The following RGS6 variants were observed in gnomAD, a reference collection of about 807,000 sequenced individuals.
RGS6 encodes the protein regulator of G-protein signaling 6.
Under a neutral mutation model 78.5 loss-of-function variants are expected in RGS6, and 30 were observed. That is an observed-to-expected ratio of 0.38 (90% CI 0.29 to 0.52). RGS6 has a LOEUF of 0.52. Ranked by LOEUF, RGS6 falls within the 20% of genes least tolerant of loss-of-function variation. The pLI is 0.85. For synonymous variants in RGS6, 206 were observed against 206.0 expected (o/e 1.00, Z 0.00); for missense variants, 495 against 609.7 (o/e 0.81, Z 1.98).
chr14:72,042,689 G>A (rs901323798), intron 2 of RGS6, among the ~76,000 whole-genome samples: 1 of 151,650 alleles, frequency 6.6e-6, no homozygotes, highest in Non-Finnish European at 1.5e-5. Flanking sequence ...TTCAATATCT[G>A]CATATTTTCC....
intron 2 of RGS6, among the ~76,000 whole-genome samples, chr14:72,278,930 TGTG>T (rs1204550154): frequency 1.3e-5 from 2 of 152,136 alleles, no homozygotes; most frequent in African/African-American, 4.8e-5. Flanking sequence ...GCCCTCTTGT[TGTG>T]TGCTCACGTG....
chr14:72,093,873 TTGAC>T (rs1379615129), intron 2 of RGS6, among the ~76,000 whole-genome samples: 4 of 152,188 alleles, frequency 2.6e-5, no homozygotes, highest in Non-Finnish European at 5.9e-5. Flanking sequence ...TAAATATTGA[TTGAC>T]TATGTAAAAA....
chr14:72,222,088 C>G (rs146939227), intron 2 of RGS6, among the ~76,000 whole-genome samples: 3 of 152,356 alleles, frequency 2.0e-5, no homozygotes, highest in Non-Finnish European at 2.9e-5. Flanking sequence ...ATGAACTAAT[C>G]AACTAATACT....
intron 2 of RGS6, among the ~76,000 whole-genome samples, chr14:72,112,218 A>C (rs528799789): frequency 3.9e-5 from 6 of 152,318 alleles, no homozygotes; most frequent in African/African-American, 1.4e-4. Flanking sequence ...CACCCTCTCC[A>C]ACACATGCCA....
the RGS6 span, among the ~76,000 whole-genome samples, chr14:71,879,380 C>G: frequency 1.3e-5 from 2 of 152,298 alleles, no homozygotes; most frequent in South Asian, 4.1e-4. Context: ...GACTTAACCT[C>G]TCTGAACAAC....
At chr14:72,299,527 CTATATT>C (rs1237213092) in intron 2 of RGS6, among the ~76,000 whole-genome samples, 1 of 152,188 alleles carries the variant, frequency 6.6e-6, no homozygotes, top group African/African-American at 2.4e-5. Flanking sequence ...TAACGTAACT[CTATATT>C]TAAGCTTCTG....
chr14:71,964,511 AAAAAC>A (rs1429132075), intron 1 of RGS6, among the ~76,000 whole-genome samples: 6 of 152,318 alleles, frequency 3.9e-5, no homozygotes, highest in Admixed American at 3.3e-4. Flanking sequence ...TGTCTCAAAA[AAAAAC>A]AAAACAAAAC....
intron 13 of RGS6, 79 bp from the exon 14 acceptor site, chr14:72,510,075 C>T: frequency 6.8e-7 from 1 of 1,464,462 alleles, no homozygotes; most frequent in Non-Finnish European, 9.1e-7. Context: ...GCAAAACAGA[C>T]TTGAGTCACT....
chr14:72,329,749 T>C (rs2074585120), intron 2 of RGS6, among the ~76,000 whole-genome samples: 1 of 152,146 alleles, frequency 6.6e-6, no homozygotes, highest in Non-Finnish European at 1.5e-5. Flanking sequence ...TGACAGATCT[T>C]GGAGGCAGTC....
chr14:72,325,934 A>G (rs2073629331), intron 2 of RGS6, among the ~76,000 whole-genome samples: 1 of 152,178 alleles, frequency 6.6e-6, no homozygotes, highest in Non-Finnish European at 1.5e-5. Flanking sequence ...ACCCTCATAC[A>G]TCTTTGGTGG....
the RGS6 span, among the ~76,000 whole-genome samples, chr14:71,921,841 A>T: frequency 1.3e-5 from 2 of 152,284 alleles, no homozygotes; most frequent in Non-Finnish European, 2.9e-5. Flanking sequence ...GCGATTTTTG[A>T]TAGGATGGAA....
chr14:72,260,911 C>T (rs1023555188), intron 2 of RGS6, among the ~76,000 whole-genome samples: 12 of 152,182 alleles, frequency 7.9e-5, no homozygotes, highest in Non-Finnish European at 5.9e-5. Context: ...TGTACATTTT[C>T]GTGGGGCCAA....
intron 2 of RGS6, among the ~76,000 whole-genome samples, chr14:72,344,684 C>G (rs938330080): frequency 1.1e-4 from 17 of 152,132 alleles, no homozygotes; most frequent in African/African-American, 4.1e-4. Flanking sequence ...GGTGAGCAAA[C>G]CACTCTAATG....
chr14:72,102,688 C>T (rs779644645), intron 2 of RGS6, among the ~76,000 whole-genome samples: 4 of 152,144 alleles, frequency 2.6e-5, no homozygotes, highest in Non-Finnish European at 5.9e-5. Context: ...TGAAAGTTTT[C>T]ACACGTACAC....
At chr14:71,896,777 A>G in the RGS6 span, among the ~76,000 whole-genome samples, 1 of 152,260 alleles carries the variant, frequency 6.6e-6, no homozygotes, top group African/African-American at 2.4e-5. Context: ...TAATCAAATC[A>G]GACCACAAAA....
chr14:72,479,155 G>T (rs948782281), intron 12 of RGS6, among the ~76,000 whole-genome samples: 3 of 152,196 alleles, frequency 2.0e-5, no homozygotes, highest in Non-Finnish European at 4.4e-5. Flanking sequence ...CTGGCTGTGA[G>T]AGCCATCTAT....
intron 2 of RGS6, among the ~76,000 whole-genome samples, chr14:72,076,281 C>T (rs977625287): frequency 2.0e-5 from 3 of 152,302 alleles, no homozygotes; most frequent in Middle Eastern, 3.4e-3. Flanking sequence ...TTCACTCTTA[C>T]TGACCTTACA....
intron 2 of RGS6, among the ~76,000 whole-genome samples, chr14:72,328,036 G>T (rs2074194034): frequency 6.6e-6 from 1 of 152,120 alleles, no homozygotes. Context: ...GTAAAATTCA[G>T]CATGAGTCCA....
chr14:71,951,326 T>C (rs1398154879), intron 1 of RGS6, among the ~76,000 whole-genome samples: 2 of 152,008 alleles, frequency 1.3e-5, no homozygotes, highest in African/African-American at 2.4e-5. Flanking sequence ...AAACACTGCA[T>C]GTTCTCACTC....
Sources: allele counts gnomAD v4.1 joint callset (sites outside exome capture counted in the v4.1 genomes callset), GRCh38; gene constraint gnomAD v4.1.1; transcripts MANE v1.5; gene names NCBI Gene and HGNC (gene_info 2026-07-23, HGNC 2026-07-21).